KIF15: variants seen among roughly 807,000 people sequenced by gnomAD.
KIF15 encodes kinesin-like protein KIF15.
In KIF15, 140 loss-of-function variants were observed where a neutral mutation model predicts 190.6. The observed-to-expected ratio is 0.73, with a 90% CI of 0.64 to 0.84. KIF15 has a LOEUF of 0.84. Ranked by LOEUF, KIF15 falls within the 40% of genes least tolerant of loss-of-function variation. KIF15 has a pLI of 0.00. For synonymous variants in KIF15, 528 were observed against 551.3 expected, an observed-to-expected ratio of 0.96 and a Z score of 0.59; for missense variants, 1,372 against 1,584.4, an observed-to-expected ratio of 0.87 and a Z score of 2.28.
At chr3:44,806,088 C>A in intron 16 of KIF15, 102 bp downstream of exon 16, 1 of 1,303,150 alleles carries the variant, frequency 7.7e-7, no homozygotes, top group Non-Finnish European at 1.1e-6. Context: ...AGATGACATC[C>A]CATGCAGGTA....
At chr3:44,794,460 T>C (rs944287001) in intron 8 of KIF15, 34 bp downstream of exon 8, 12 of 1,503,462 alleles carry the variant, frequency 8.0e-6, no homozygotes, top group Admixed American at 1.9e-5. Flanking sequence ...AACTTGTGTG[T>C]GAGTTCTTAC....
chr3:44,796,888 T>C (rs1192130870), intron 8 of KIF15, among the ~76,000 whole-genome samples: 1 of 152,206 alleles, frequency 6.6e-6, no homozygotes, highest in African/African-American at 2.4e-5. Flanking sequence ...CATAAAAGGA[T>C]TGAAAAAAGT....
intron 30 of KIF15, among the ~76,000 whole-genome samples, chr3:44,847,765 T>C (rs1363196561): frequency 6.6e-6 from 1 of 152,262 alleles, no homozygotes; most frequent in Non-Finnish European, 1.5e-5. Context: ...CTTGCTTTTG[T>C]ACTGGGAGGA....
chr3:44,777,217 C>T lies in KIF15; in HGVS notation c.247-898C>T, dbSNP rs560132753. On this transcript the variant is annotated intron_variant, in intron 3 of 34. Coordinates refer to ENST00000326047, the MANE Select transcript of KIF15 (RefSeq NM_020242.3). ...CTTACTATGTTCCCTAGGCTGGTCT[C>T]GAACTCCTGGCCTCAAGCAGTCCTC... Among the ~76,000 whole-genome samples the T allele has an allele frequency of 2.6e-5, 4 of 151,974 alleles. No homozygotes were observed. In the South Asian group the frequency reaches 8.3e-4, roughly 32 times the overall value.
chr3:44,857,626 G>A (rs554631518), downstream of KIF15, among the ~76,000 whole-genome samples: 198 of 152,254 alleles, frequency 1.3e-3, 1 homozygote, highest in Middle Eastern at 0.014. Context: ...CTATAGGGTC[G>A]GCTAGATTTC....
chr3:44,781,498 T>G (rs1383921897), intron 5 of KIF15, among the ~76,000 whole-genome samples: 1 of 152,216 alleles, frequency 6.6e-6, no homozygotes, highest in African/African-American at 2.4e-5. Context: ...TTTCAACTTT[T>G]CAACCATACG....
At chr3:44,784,800 T>C (rs1224698278) in intron 5 of KIF15, 45 bp from the exon 6 acceptor site, 1 of 1,040,280 alleles carries the variant, frequency 9.6e-7, no homozygotes, top group South Asian at 1.4e-5. Flanking sequence ...TGAAAGACTC[T>C]TGGAATAGAA....
chr3:44,859,061 C>T (rs1399905027), intron 6 of KIF15, among the ~76,000 whole-genome samples: 1 of 152,138 alleles, frequency 6.6e-6, no homozygotes, highest in African/African-American at 2.4e-5. Context: ...AGTGGGGTCC[C>T]GCACAGTTGG....
At chr3:44,852,027 T>C in intron 33 of KIF15, 75 bp downstream of exon 33, 2 of 1,513,236 alleles carry the variant, frequency 1.3e-6, no homozygotes, top group Non-Finnish European at 1.8e-6. Context: ...TAAAACTCAC[T>C]TTGTGATTGG....
chr3:44,863,057 C>A (rs897158442), intron 6 of KIF15: 7 of 151,882 alleles, frequency 4.6e-5, no homozygotes, highest in Non-Finnish European at 7.4e-5. Context: ...CGCGGCCCAA[C>A]GCAAATTTGC....
chr3:44,810,697 C>T (rs2125655547), intron 16 of KIF15, 149 bp from the exon 17 acceptor site: 1 of 621,910 alleles, frequency 1.6e-6, no homozygotes, highest in South Asian at 2.6e-5. Context: ...TTTATTTCCA[C>T]TTGGGCATTT....
chr3:44,771,054 AT>A (rs1705621407), intron 1 of KIF15, among the ~76,000 whole-genome samples: 2 of 152,204 alleles, frequency 1.3e-5, no homozygotes, highest in Admixed American at 1.3e-4. Context: ...AGAAACCTGC[AT>A]TTGAGAGCAC....
At chr3:44,797,155 G>C (rs1051657685) in intron 8 of KIF15, among the ~76,000 whole-genome samples, 1 of 152,110 alleles carries the variant, frequency 6.6e-6, no homozygotes, top group Non-Finnish European at 1.5e-5. Flanking sequence ...AGCCTCCCAA[G>C]TAGCTGGGAC....
At chr3:44,810,704 A>T in intron 16 of KIF15, 142 bp from the exon 17 acceptor site, 1 of 645,666 alleles carries the variant, frequency 1.5e-6, no homozygotes, top group South Asian at 2.5e-5. Flanking sequence ...CCACTTGGGC[A>T]TTTTTGTACT....
At chr3:44,796,758 T>C (rs1707006872) in intron 8 of KIF15, among the ~76,000 whole-genome samples, 1 of 152,218 alleles carries the variant, frequency 6.6e-6, no homozygotes, top group African/African-American at 2.4e-5. Context: ...GCTTCTGTTT[T>C]AAAGTAGTTT....
chr3:44,789,928 A>C (rs142342481), intron 7 of KIF15, among the ~76,000 whole-genome samples: 24 of 152,116 alleles, frequency 1.6e-4, no homozygotes, highest in African/African-American at 5.3e-4. Flanking sequence ...AATGTCAACT[A>C]TACATTTATT....
intron 3 of KIF15, 112 bp from the exon 4 acceptor site, chr3:44,778,003 G>T: frequency 2.5e-6 from 2 of 794,948 alleles, no homozygotes; most frequent in Admixed American, 1.8e-5. Context: ...TTTCTGTAGT[G>T]GATGTTATCC....
At position 44,852,742 on chromosome 3, in the gene KIF15, C is replaced by T. The variant is rs150481594; in HGVS notation, c.*7C>T. On this transcript the variant is annotated 3_prime_UTR_variant, in exon 35 of 35. Coordinates refer to ENST00000326047, the MANE Select transcript of KIF15 (RefSeq NM_020242.3). Reference sequence around the variant, plus strand: ...GAAAAGAAGTGAATCTTGAGGATTCCGGTCAGCTACCTAGGCATCACCTTG... The same window carrying T: ...GAAAAGAAGTGAATCTTGAGGATTCTGGTCAGCTACCTAGGCATCACCTTG... 143 of 1,589,520 alleles carry T rather than the reference C, an allele frequency of 9.0e-5. No homozygotes were observed. In the African/African-American group the frequency reaches 1.2e-3, roughly 13 times the overall value.
intron 26 of KIF15, among the ~76,000 whole-genome samples, chr3:44,832,886 G>A (rs975696542): frequency 1.3e-5 from 2 of 151,720 alleles, no homozygotes; most frequent in South Asian, 2.1e-4. Context: ...GTGGTGGTGC[G>A]TGCCTGTAAT....
Sources: allele counts gnomAD v4.1 joint callset (sites outside exome capture counted in the v4.1 genomes callset), GRCh38; gene constraint gnomAD v4.1.1; transcripts MANE v1.5; gene names NCBI Gene and HGNC (gene_info 2026-07-23, HGNC 2026-07-21).